Variants in TRPM1 observed in about 807,000 individuals in gnomAD.
The protein encoded by TRPM1 is TRPM1-203 APA Isoform, Intron 10.
TRPM1 carries 113 observed loss-of-function variants against 149.4 expected under a neutral mutation model. That is an observed-to-expected ratio of 0.76 (90% CI 0.65 to 0.88). The LOEUF is 0.88. Ranked by LOEUF, TRPM1 falls within the 40% of genes least tolerant of loss-of-function variation. The probability of loss-of-function intolerance (pLI) is 0.00; values close to 1 mark genes in which losing one functional copy is unlikely to be tolerated. For synonymous variants in TRPM1, 741 were observed against 759.5 expected, an observed-to-expected ratio of 0.98 and a Z score of 0.40; for missense variants, 1,976 against 2,038.7, an observed-to-expected ratio of 0.97 and a Z score of 0.59.
At chr15:31,109,333 C>CTAA (rs2035651239) in intron 1 of TRPM1, among the ~76,000 whole-genome samples, 45 of 32,294 alleles carry the variant, frequency 1.4e-3, no homozygotes, top group Non-Finnish European at 2.1e-3. Context: ...GACTCTGCCT[C>CTAA]AAAAAAAAAA....
Position 31,038,059 on chromosome 15 carries a change from T to A in TRPM1, c.2424A>T (p.Lys808Asn), listed in dbSNP as rs779056159. The A allele has an allele frequency of 6.2e-7, 1 of 1,614,204 alleles. No individual in the cohort carries two copies. Among genetic ancestry groups the A allele is most frequent in the East Asian group, 2.2e-5 (1 of 44,884 alleles). ...TSKENEDGKE[K>N]EEENTDANAD... ...TGTCACTGACCGTATTTTCCTCTTC[T>A]TTTTCTTTGCCATCCTCATTTTCCT... Residue 808 changes from lysine to asparagine, a missense_variant, in exon 19 of 28, where the codon AAA becomes AAT. By Grantham distance (94) the Lys-to-Asn change is moderately conservative (BLOSUM62 0). Transcript: ENST00000256552.
chr15:31,106,370 AGGTG>A (rs1198107067), upstream of TRPM1, among the ~76,000 whole-genome samples: 6 of 152,254 alleles, frequency 3.9e-5, no homozygotes, highest in East Asian at 1.2e-3. Flanking sequence ...TCCTGACCTC[AGGTG>A]ATCCACCCGC....
At chr15:31,132,405 T>G (rs1476721251) in intron 1 of TRPM1, among the ~76,000 whole-genome samples, 1 of 152,192 alleles carries the variant, frequency 6.6e-6, no homozygotes, top group Non-Finnish European at 1.5e-5. Flanking sequence ...TTTCTTTCAG[T>G]TACTACCCAA....
chr15:31,051,723 G>C (rs555228862), intron 11 of TRPM1, among the ~76,000 whole-genome samples: 1 of 152,204 alleles, frequency 6.6e-6, no homozygotes, highest in African/African-American at 2.4e-5. Context: ...CCACTGATTG[G>C]CATACAACTT....
chr15:31,063,087 C>T (rs763774057), intron 8 of TRPM1, 31 bp downstream of exon 8: 2 of 1,613,698 alleles, frequency 1.2e-6, no homozygotes, highest in Admixed American at 1.7e-5. Context: ...GAGTTACGAA[C>T]CCGCCCTTCC....
rs536959149 is a variant in TRPM1 at position 31,148,295 on chromosome 15, T to G, written c.54+12611A>C. On this transcript the variant is annotated intron_variant, in intron 1 of 26. Transcript: ENST00000542188. ...GACCCGGCTCCTTGATCTTGGGAAA[T>G]GTGTTAATGAGCTGGGGGTGTGCAA... is the stretch of plus-strand genomic sequence containing the variant. 2.7e-4 allele frequency among the ~76,000 whole-genome samples: 41 copies of G among 152,158 alleles called. 1 individual carries two copies. The highest frequency in any genetic ancestry group is 2.1e-3 in the South Asian group (10 of 4,798).
At chr15:31,038,398 G>A (rs1300734016) in intron 18 of TRPM1, among the ~76,000 whole-genome samples, 1 of 152,210 alleles carries the variant, frequency 6.6e-6, no homozygotes, top group Non-Finnish European at 1.5e-5. Flanking sequence ...AAACAGCACT[G>A]TTGGTGATCC....
chr15:31,153,688 TATC>T (rs770407422), intron 1 of TRPM1, among the ~76,000 whole-genome samples: 2 of 152,142 alleles, frequency 1.3e-5, no homozygotes, highest in African/African-American at 4.8e-5. Flanking sequence ...TGAATCCACT[TATC>T]ATCTGGAAGC....
chr15:31,109,106 T>G (rs536247565), intron 1 of TRPM1, among the ~76,000 whole-genome samples: 1 of 151,914 alleles, frequency 6.6e-6, no homozygotes, highest in African/African-American at 2.4e-5. Context: ...AGGCAGACTA[T>G]AGGAAGCACT....
intron 1 of TRPM1, among the ~76,000 whole-genome samples, chr15:31,139,276 T>G (rs2036128595): frequency 6.6e-6 from 1 of 152,202 alleles, no homozygotes; most frequent in African/African-American, 2.4e-5. Context: ...ATTTTCTACC[T>G]CTTTCCACTC....
intron 1 of TRPM1, among the ~76,000 whole-genome samples, chr15:31,106,765 A>G (rs1188303570): frequency 6.6e-6 from 1 of 152,124 alleles, no homozygotes; most frequent in Non-Finnish European, 1.5e-5. Flanking sequence ...GTCCTTTTGC[A>G]TTTGTCTGTA....
At chr15:31,107,810 A>G (rs2035628467) in intron 1 of TRPM1, among the ~76,000 whole-genome samples, 1 of 151,382 alleles carries the variant, frequency 6.6e-6, no homozygotes, top group Non-Finnish European at 1.5e-5. Context: ...GTTACTTAGA[A>G]GTATGTAATT....
At chr15:31,114,233 T>G (rs1567063657) in intron 1 of TRPM1, among the ~76,000 whole-genome samples, 1 of 152,214 alleles carries the variant, frequency 6.6e-6, no homozygotes, top group Non-Finnish European at 1.5e-5. Flanking sequence ...AGTGTTCTCA[T>G]CATTTAGCTC....
chr15:31,003,961 T>A (rs1438067908), intron 27 of TRPM1, among the ~76,000 whole-genome samples: 22 of 152,052 alleles, frequency 1.4e-4, no homozygotes, highest in Admixed American at 1.4e-3. Context: ...TTTTACTACA[T>A]ACAGTATGAA....
At chr15:31,070,614 G>T (rs753303895) in intron 3 of TRPM1, 1 of 404,152 alleles carries the variant, frequency 2.5e-6, no homozygotes, top group South Asian at 1.9e-5. Context: ...GTGTAGTGGC[G>T]CTATCATAGC....
At chr15:31,133,954 T>G (rs1479834907) in intron 1 of TRPM1, among the ~76,000 whole-genome samples, 2 of 151,970 alleles carry the variant, frequency 1.3e-5, no homozygotes, top group African/African-American at 4.8e-5. Context: ...GGAAGGGAAG[T>G]CCATGGGAGT....
chr15:31,022,447 A>G (rs111670176), intron 27 of TRPM1, among the ~76,000 whole-genome samples: 36 of 152,354 alleles, frequency 2.4e-4, no homozygotes, highest in Non-Finnish European at 4.9e-4. Context: ...CCTGGGCAAC[A>G]TAGTGAGACC....
chr15:31,105,627 T>C (rs560345921), upstream of TRPM1, among the ~76,000 whole-genome samples: 3 of 152,378 alleles, frequency 2.0e-5, no homozygotes, highest in South Asian at 2.1e-4. Context: ...CATTAAAAGC[T>C]TTCTCTTTTG....
At chr15:31,115,714 G>A (rs1567064218) in intron 1 of TRPM1, among the ~76,000 whole-genome samples, 1 of 151,614 alleles carries the variant, frequency 6.6e-6, no homozygotes, top group Non-Finnish European at 1.5e-5. Context: ...TAACCCTGTT[G>A]AGACACACCC....
Sources: gnomAD v4.1 joint callset for allele counts (sites outside exome capture counted in the v4.1 genomes callset) on GRCh38, gnomAD v4.1.1 for gene constraint, MANE v1.5 for transcripts, NCBI Gene and HGNC (gene_info 2026-07-23, HGNC 2026-07-21) for gene names.